Variants in ST6GAL1 observed in about 807,000 individuals in gnomAD.
ST6GAL1 encodes beta-galactoside alpha-2,6-sialyltransferase 1.
A neutral mutation model predicts 38.0 loss-of-function variants in ST6GAL1; 20 were observed. That is an observed-to-expected ratio of 0.53 (90% CI 0.37 to 0.77). The LOEUF (loss-of-function observed/expected upper bound fraction) is 0.77. Among genes scored for constraint, ST6GAL1 ranks in the 30% least tolerant of loss-of-function variants. The pLI is 0.00. For synonymous variants in ST6GAL1, 196 were observed against 188.2 expected (o/e 1.04, Z -0.34); for missense variants, 432 against 496.4 (o/e 0.87, Z 1.23).
At chr3:186,984,748 C>G in intron 2 of ST6GAL1, among the ~76,000 whole-genome samples, 1 of 35,908 alleles carries the variant, frequency 2.8e-5, no homozygotes, top group Middle Eastern at 0.01. Context: ...CCTTCCCTCC[C>G]TCCCTCCCTC....
rs541036131 is a variant in ST6GAL1 at position 186,966,379 on chromosome 3, A to G, written c.-183+2453A>G. On this transcript the variant is annotated intron_variant, in intron 2 of 7. Coordinates refer to ENST00000169298, the MANE Select transcript of ST6GAL1 (RefSeq NM_173216.2). ...TCTATCCCATGTCACGGATGTGGAA[A>G]TTGGGTCTCACAGAGGTAAAGAGAC... Among the ~76,000 whole-genome samples, 7 of 152,318 alleles carry G rather than the reference A, an allele frequency of 4.6e-5. No homozygotes were observed. The South Asian group carries it at 8.3e-4, about 18-fold the overall frequency.
chr3:187,065,828 G>T (rs990966549), intron 5 of ST6GAL1, among the ~76,000 whole-genome samples: 1 of 152,180 alleles, frequency 6.6e-6, no homozygotes, highest in African/African-American at 2.4e-5. Context: ...TACCATCTAA[G>T]GGTCTTACAT....
intron 2 of ST6GAL1, among the ~76,000 whole-genome samples, chr3:186,994,609 A>T (rs889177575): frequency 5.9e-5 from 9 of 152,102 alleles, no homozygotes; most frequent in African/African-American, 2.2e-4. Context: ...TCAGCTGTTT[A>T]TTTTTTCATT....
chr3:186,967,919 C>T (rs1715204939), intron 2 of ST6GAL1, among the ~76,000 whole-genome samples: 2 of 152,212 alleles, frequency 1.3e-5, no homozygotes, highest in Admixed American at 1.3e-4. Context: ...CCTGCCTTAG[C>T]CCATCTGGCC....
chr3:186,987,406 A>G (rs1477099459), intron 2 of ST6GAL1, among the ~76,000 whole-genome samples: 2 of 152,202 alleles, frequency 1.3e-5, no homozygotes, highest in African/African-American at 2.4e-5. Context: ...CACAGCTAAC[A>G]ATGGGGAGAG....
chr3:186,998,929 G>A (rs1716512816), intron 2 of ST6GAL1, among the ~76,000 whole-genome samples: 1 of 152,216 alleles, frequency 6.6e-6, no homozygotes, highest in African/African-American at 2.4e-5. Context: ...AATGGTTGAG[G>A]AAATGAAGCC....
At chr3:187,060,105 G>T (rs780621723) in intron 5 of ST6GAL1, among the ~76,000 whole-genome samples, 4 of 152,146 alleles carry the variant, frequency 2.6e-5, no homozygotes, top group Non-Finnish European at 5.9e-5. Context: ...GGGACTATGT[G>T]GTGAGAGACA....
At chr3:187,003,912 C>A (rs2108554400) in intron 2 of ST6GAL1, among the ~76,000 whole-genome samples, 1 of 152,106 alleles carries the variant, frequency 6.6e-6, no homozygotes, top group East Asian at 1.9e-4. Flanking sequence ...TACTTTCATA[C>A]AAGGAAATGT....
rs1718524789 is a variant in ST6GAL1, at chr3:187,051,803, A to G, written c.705+457A>G. 2.0e-5 allele frequency among the ~76,000 whole-genome samples: 3 copies of G among 152,192 alleles called. No homozygotes were observed. In the South Asian group the frequency reaches 6.2e-4, roughly 32 times the overall value. On this transcript the variant is annotated intron_variant, in intron 5 of 7. Coordinates refer to ENST00000169298, the MANE Select transcript of ST6GAL1 (RefSeq NM_173216.2). ...TGTAATATGGCACTAGAATTCATGT[A>G]CTATTTCATAAATTCCCCTGGATAA...
chr3:186,961,588 T>C (rs984709573), intron 1 of ST6GAL1, among the ~76,000 whole-genome samples: 3 of 152,008 alleles, frequency 2.0e-5, no homozygotes, highest in Non-Finnish European at 2.9e-5. Context: ...ACAAAAGGAA[T>C]CCCCCATTCC....
intron 5 of ST6GAL1, among the ~76,000 whole-genome samples, chr3:187,062,446 G>A (rs1390521533): frequency 2.0e-5 from 3 of 152,090 alleles, no homozygotes; most frequent in Non-Finnish European, 2.9e-5. Context: ...GTCTGTTGAT[G>A]TTGAATGGAT....
At chr3:187,069,135 CTTTT>C (rs779256326) in intron 5 of ST6GAL1, among the ~76,000 whole-genome samples, 1 of 144,958 alleles carries the variant, frequency 6.9e-6, no homozygotes, top group Admixed American at 6.9e-5. Context: ...TGAACTTCTT[CTTTT>C]TTTTTTTTTT....
At chr3:187,032,561 G>T (rs1314653147) in intron 2 of ST6GAL1, among the ~76,000 whole-genome samples, 1 of 152,172 alleles carries the variant, frequency 6.6e-6, no homozygotes, top group Non-Finnish European at 1.5e-5. Flanking sequence ...AAATAATAGA[G>T]AAGAAGGTTG....
chr3:187,064,551 G>A (rs1719029577), intron 5 of ST6GAL1: 1 of 456,612 alleles, frequency 2.2e-6, no homozygotes, highest in Non-Finnish European at 4.4e-6. Context: ...AGGGCTGCGA[G>A]GAAGGTGGCC....
intron 1 of ST6GAL1, among the ~76,000 whole-genome samples, chr3:186,955,380 G>A (rs529445863): frequency 2.1e-4 from 32 of 152,146 alleles, no homozygotes; most frequent in Non-Finnish European, 3.4e-4. Context: ...AATGTCAATG[G>A]TAGTTTAATG....
chr3:187,009,230 TA>T (rs1234887046), intron 2 of ST6GAL1, among the ~76,000 whole-genome samples: 16 of 152,098 alleles, frequency 1.1e-4, no homozygotes, highest in Admixed American at 9.8e-4. Flanking sequence ...AGTCAATAAT[TA>T]AAAAAACTTT....
At chr3:187,017,879 C>G (rs1304368865) in intron 2 of ST6GAL1, among the ~76,000 whole-genome samples, 1 of 152,192 alleles carries the variant, frequency 6.6e-6, no homozygotes, top group East Asian at 1.9e-4. Flanking sequence ...TCACTAAAGA[C>G]AGAGTTAAAG....
chr3:187,049,757 C>T (rs1216682790), intron 4 of ST6GAL1, among the ~76,000 whole-genome samples: 1 of 152,182 alleles, frequency 6.6e-6, no homozygotes. Flanking sequence ...GGATTCTCAC[C>T]AATAATTTAT....
At chr3:187,069,003 G>A (rs1270775538) in intron 5 of ST6GAL1, among the ~76,000 whole-genome samples, 2 of 152,178 alleles carry the variant, frequency 1.3e-5, no homozygotes, top group African/African-American at 4.8e-5. Context: ...CTGAAGGGCT[G>A]TTGTTAAGTT....
Sources: allele counts gnomAD v4.1 joint callset (sites outside exome capture counted in the v4.1 genomes callset), GRCh38; gene constraint gnomAD v4.1.1; transcripts MANE v1.5; gene names NCBI Gene and HGNC (gene_info 2026-07-23, HGNC 2026-07-21).